Variants in NDUFS3 observed in about 807,000 individuals in gnomAD.
NDUFS3 encodes the protein NADH dehydrogenase [ubiquinone] iron-sulfur protein 3, mitochondrial.
NDUFS3 carries 19 observed loss-of-function variants against 30.8 expected under a neutral mutation model. That is an observed-to-expected ratio of 0.62 (90% CI 0.43 to 0.91). NDUFS3 has a LOEUF of 0.91. NDUFS3 is among the 40% of genes least tolerant of loss of function. The pLI, the probability that NDUFS3 is intolerant of heterozygous loss-of-function variation, is 0.00. For synonymous variants in NDUFS3, 153 were observed against 135.8 expected, an observed-to-expected ratio of 1.13 and a Z score of -0.88; for missense variants, 331 against 342.0, an observed-to-expected ratio of 0.97 and a Z score of 0.25.
chr11:47,583,402 C>A (rs554419707), intron 6 of NDUFS3, among the ~76,000 whole-genome samples: 2 of 151,990 alleles, frequency 1.3e-5, no homozygotes, highest in East Asian at 3.9e-4. Context: ...GCAGCCTTGA[C>A]GACACAGTCT....
At position 47,579,097 on chromosome 11, in the gene NDUFS3, G is replaced by A. The variant is rs1333725152; in HGVS notation, c.6G>A (p.Ala2=). Residue 2 remains alanine, a synonymous_variant, in exon 1 of 7, where the codon GCG becomes GCA. Coordinates refer to ENST00000263774, the MANE Select transcript of NDUFS3 (RefSeq NM_004551.3). M[A]AAAVARLWWR... is the part of the protein sequence containing the mutation. The stretch of plus-strand genomic sequence containing the variant: ...CTAGTCTGCATCTGAGTAACATGGC[G>A]GCGGCGGCGGTAGCCAGGCTGTGGT... 1.9e-6 allele frequency: 3 copies of A among 1,570,024 alleles called. No homozygotes were observed. Among genetic ancestry groups the A allele is most frequent in the East Asian group, 2.4e-5 (1 of 42,444 alleles).
In NDUFS3 at chr11:47,579,898, G is replaced by A. The variant is rs761323776; in HGVS notation, c.133+564G>A. ...CTCAGTGGTTTAGGGTTGCATGAAT[G>A]AGTATGTACATATTATGTTACAGTC... On this transcript the variant is annotated intron_variant, in intron 2 of 6. Transcript: ENST00000263774. 3.3e-5 allele frequency among the ~76,000 whole-genome samples: 5 copies of A among 152,076 alleles called. No homozygotes were observed. In the South Asian group the frequency reaches 8.3e-4, roughly 25 times the overall value.
intron 2 of NDUFS3, chr11:47,579,677 A>T (rs1261435887): frequency 8.5e-6 from 4 of 473,004 alleles, no homozygotes; most frequent in African/African-American, 5.9e-5. Context: ...TAAGCGTTTT[A>T]GTGAATGATC....
rs562610850 is a variant in NDUFS3 at position 47,582,853 on chromosome 11, G to A, written c.627+385G>A. ...TCTACAAAAAAATAGAAAAATTAACGGGGCATGGTGGTGCATTCCTGTGGT... is the reference window on the plus strand; with the variant it reads ...TCTACAAAAAAATAGAAAAATTAACAGGGCATGGTGGTGCATTCCTGTGGT... On this transcript the variant is annotated intron_variant, in intron 6 of 6. Transcript: ENST00000263774. 2.6e-5 allele frequency among the ~76,000 whole-genome samples: 4 copies of A among 152,060 alleles called. No individual in the cohort carries two copies. In the South Asian group the frequency reaches 6.2e-4, roughly 24 times the overall value.
At chr11:47,582,245 G>T in intron 5 of NDUFS3, 32 bp downstream of exon 5, 1 of 1,614,214 alleles carries the variant, frequency 6.2e-7, no homozygotes, top group Non-Finnish European at 8.5e-7. Flanking sequence ...ACCTGCCTCT[G>T]GGCCACAGTT....
chr11:47,583,971 T>C, intron 6 of NDUFS3, among the ~76,000 whole-genome samples: 1 of 152,342 alleles, frequency 6.6e-6, no homozygotes, highest in Admixed American at 6.5e-5. Flanking sequence ...GACTACTCCC[T>C]AATCCTGGGC....
In NDUFS3 at chr11:47,580,945, G is replaced by A. The variant is rs756891016; in HGVS notation, c.342G>A (p.Leu114=). Residue 114 remains leucine, a synonymous_variant, in exon 4 of 7, where the codon TTG becomes TTA. Transcript: ENST00000263774. ...TNAQFKSLVD[L]TAVDVPTRQN... ...CACAGTTCAAATCTCTGGTTGACTT[G>A]ACAGCAGTGGACGTCCCAACTCGGC... is the stretch of plus-strand genomic sequence containing the variant. The A allele has an allele frequency of 6.2e-7, 1 of 1,614,120 alleles. No homozygotes were observed. The highest frequency in any genetic ancestry group is 1.3e-5 in the African/African-American group (1 of 74,924).
intron 4 of NDUFS3, 175 bp downstream of exon 4, chr11:47,581,159 A>T (rs1565942231): frequency 2.5e-5 from 15 of 603,338 alleles, no homozygotes; most frequent in Admixed American, 5.9e-5. Context: ...ATTTTGTTTA[A>T]TTTTTTTTTT....
Position 47,582,398 on chromosome 11 carries a change from G to C in NDUFS3, c.557G>C (p.Arg186Thr). 1 of 1,614,228 alleles carries C rather than the reference G, an allele frequency of 6.2e-7. No homozygotes were observed. Among genetic ancestry groups the C allele is most frequent in the Non-Finnish European group, 8.5e-7 (1 of 1,180,052 alleles). Residue 186 changes from arginine to threonine, a missense_variant, in exon 6 of 7, where the codon AGG becomes ACG. Coordinates refer to ENST00000263774, the MANE Select transcript of NDUFS3 (RefSeq NM_004551.3). ...VFFANHPDLR[R>T]ILTDYGFEGH... The stretch of plus-strand genomic sequence containing the variant: ...TTTGCTAACCACCCTGATCTAAGAA[G>C]GATCCTGACAGATTATGGCTTCGAG...
In NDUFS3 at chr11:47,579,075, G is replaced by A; in HGVS notation, c.-17G>A. The A allele has an allele frequency of 6.4e-7, 1 of 1,556,534 alleles. No individual in the cohort carries two copies. Among genetic ancestry groups the A allele is most frequent in the Non-Finnish European group, 8.7e-7 (1 of 1,151,214 alleles). ...CTGCTGTCTTTCCGTCCGCTGCCTAGTCTGCATCTGAGTAACATGGCGGCG... is the reference window on the plus strand; with the variant it reads ...CTGCTGTCTTTCCGTCCGCTGCCTAATCTGCATCTGAGTAACATGGCGGCG... On this transcript the variant is annotated 5_prime_UTR_variant, in exon 1 of 7. Coordinates refer to ENST00000263774, the MANE Select transcript of NDUFS3 (RefSeq NM_004551.3).
At chr11:47,580,229 T>C (rs953662308) in intron 2 of NDUFS3, among the ~76,000 whole-genome samples, 13 of 152,350 alleles carry the variant, frequency 8.5e-5, no homozygotes, top group Non-Finnish European at 1.3e-4. Flanking sequence ...CTGAGACTAC[T>C]GCTTTAGCAG....
At chr11:47,580,308 AGT>A (rs1013253753) in intron 2 of NDUFS3, among the ~76,000 whole-genome samples, 4 of 152,212 alleles carry the variant, frequency 2.6e-5, no homozygotes, top group Non-Finnish European at 5.9e-5. Flanking sequence ...CAGCTGCTAT[AGT>A]AAGAGTCTTT....
Position 47,580,544 on chromosome 11 carries a change from T to A in NDUFS3, c.153T>A (p.Asn51Lys), listed in dbSNP as rs1444635303. Residue 51 changes from asparagine (N) to lysine (K), a missense_variant, in exon 3 of 7, where the codon AAT becomes AAA. By Grantham distance (94) the Asn-to-Lys change is moderately conservative. Transcript: ENST00000263774. The stretch of plus-strand genomic sequence containing the variant: ...TTCCAGCCACTGTCAGACCACGGAA[T>A]GATGTGGCCCACAAGCAGCTCTCAG... ...ADTRPTVRPR[N>K]DVAHKQLSAF... is the part of the protein sequence containing the mutation. 1 of 1,614,218 alleles carries A rather than the reference T, an allele frequency of 6.2e-7. No individual in the cohort carries two copies. Among genetic ancestry groups the A allele is most frequent in the Admixed American group, 1.7e-5 (1 of 60,022 alleles).
At chr11:47,581,048 A>G in intron 4 of NDUFS3, 64 bp downstream of exon 4, 6 of 1,594,392 alleles carry the variant, frequency 3.8e-6, no homozygotes, top group East Asian at 2.2e-5. Flanking sequence ...GTAACATACA[A>G]TAGAACACAG....
chr11:47,582,378 T>A lies in NDUFS3; in HGVS notation c.537T>A (p.Ala179=). 4 of 1,614,226 alleles carry A rather than the reference T, an allele frequency of 2.5e-6. No individual in the cohort carries two copies. The highest frequency in any genetic ancestry group is 3.4e-6 in the Non-Finnish European group (4 of 1,180,038). The change falls in exon 6 of 7, where the codon GCT becomes GCA. Residue 179 remains alanine (A), a synonymous_variant. Coordinates refer to ENST00000263774, the MANE Select transcript of NDUFS3 (RefSeq NM_004551.3). ...GGGACATGTTTGGAGTCTTCTTTGC[T>A]AACCACCCTGATCTAAGAAGGATCC... ...EIWDMFGVFF[A]NHPDLRRILT... is the part of the protein sequence containing the mutation.
chr11:47,579,270 G>T lies in NDUFS3; in HGVS notation c.69G>T (p.Gly23=). The change falls in exon 2 of 7, where the codon GGG becomes GGT. Residue 23 remains glycine (G), a splice_region_variant and synonymous_variant. Coordinates refer to ENST00000263774, the MANE Select transcript of NDUFS3 (RefSeq NM_004551.3). ...GILGASALTR[G]TGRPSVLLLP... ...TGTGCCTTTTATCTCCCTGTGCAGGGACTGGGCGACCCTCCGTTCTGTTGC... is the reference window on the plus strand; with the variant it reads ...TGTGCCTTTTATCTCCCTGTGCAGGTACTGGGCGACCCTCCGTTCTGTTGC... The T allele has an allele frequency of 6.2e-7, 1 of 1,614,196 alleles. No homozygotes were observed. Among genetic ancestry groups the T allele is most frequent in the African/African-American group, 1.3e-5 (1 of 75,074 alleles).
chr11:47,579,263 G>A lies in NDUFS3; in HGVS notation c.68-6G>A, dbSNP rs1314889980. ...GCGCGTCTGTGCCTTTTATCTCCCTGTGCAGGGACTGGGCGACCCTCCGTT... is the reference window on the plus strand; with the variant it reads ...GCGCGTCTGTGCCTTTTATCTCCCTATGCAGGGACTGGGCGACCCTCCGTT... On this transcript the variant is annotated splice_region_variant and splice_polypyrimidine_tract_variant and intron_variant, in intron 1 of 6. Transcript: ENST00000263774. The A allele has an allele frequency of 2.5e-6, 4 of 1,614,204 alleles. No individual in the cohort carries two copies. Among genetic ancestry groups the A allele is most frequent in the Non-Finnish European group, 2.5e-6 (3 of 1,180,038 alleles).
At chr11:47,581,159 ATT>A (rs746979918) in intron 4 of NDUFS3, 175 bp downstream of exon 4, 362 of 601,094 alleles carry the variant, frequency 6.0e-4, no homozygotes, top group Non-Finnish European at 7.6e-4. Flanking sequence ...ATTTTGTTTA[ATT>A]TTTTTTTTTT....
rs1459434366 is a variant in NDUFS3 at position 47,579,170 on chromosome 11, C to T, written c.67+12C>T. The T allele has an allele frequency of 2.5e-6, 4 of 1,611,858 alleles. No homozygotes were observed. Among genetic ancestry groups the T allele is most frequent in the Non-Finnish European group, 2.5e-6 (3 of 1,179,332 alleles). ...GGCGCTGACCAGGGGTGAGCACGGG[C>T]AGCCAGCTGAGACCGGGGTCAGGCG... On this transcript the variant is annotated intron_variant, in intron 1 of 6. Coordinates refer to ENST00000263774, the MANE Select transcript of NDUFS3 (RefSeq NM_004551.3).
Sources: allele counts gnomAD v4.1 joint callset (sites outside exome capture counted in the v4.1 genomes callset), GRCh38; gene constraint gnomAD v4.1.1; transcripts MANE v1.5; gene names NCBI Gene and HGNC (gene_info 2026-07-23, HGNC 2026-07-21).